The following TMEM131L variants were observed in gnomAD, a reference collection of about 807,000 sequenced individuals.
The protein encoded by TMEM131L is transmembrane protein 131-like.
Under a neutral mutation model 192.2 loss-of-function variants are expected in TMEM131L, and 54 were observed. The ratio of observed to expected loss-of-function variants is 0.28; its 90% CI spans 0.23 to 0.35. The LOEUF is 0.35. TMEM131L is among the 10% of genes least tolerant of loss of function. TMEM131L has a pLI of 1.00. For synonymous variants in TMEM131L, 701 were observed against 704.9 expected, an observed-to-expected ratio of 0.99 and a Z score of 0.09; for missense variants, 1,888 against 1,972.9, an observed-to-expected ratio of 0.96 and a Z score of 0.82.
intron 3 of TMEM131L, among the ~76,000 whole-genome samples, chr4:153,502,773 G>T (rs1299931032): frequency 6.6e-6 from 1 of 152,192 alleles, no homozygotes; most frequent in Non-Finnish European, 1.5e-5. Flanking sequence ...AGAGCATTTG[G>T]TGTTTATAAT....
At chr4:153,557,589 A>G (rs914536236) in intron 6 of TMEM131L, among the ~76,000 whole-genome samples, 6 of 152,210 alleles carry the variant, frequency 3.9e-5, no homozygotes, top group Non-Finnish European at 8.8e-5. Flanking sequence ...CTATTCTCAG[A>G]AATAGGAATC....
intron 3 of TMEM131L, among the ~76,000 whole-genome samples, chr4:153,499,905 G>A (rs1167072461): frequency 6.6e-6 from 1 of 152,142 alleles, no homozygotes; most frequent in Non-Finnish European, 1.5e-5. Flanking sequence ...CAGTCTCACA[G>A]ACTTGAGACA....
At chr4:153,558,536 T>C (rs1487821857) in intron 7 of TMEM131L, 168 bp downstream of exon 7, 1 of 439,988 alleles carries the variant, frequency 2.3e-6, no homozygotes, top group African/African-American at 1.9e-5. Flanking sequence ...GGCTGTGGAG[T>C]TCACAGTGTT....
intron 7 of TMEM131L, among the ~76,000 whole-genome samples, chr4:153,571,691 C>G (rs1241289308): frequency 6.6e-6 from 1 of 152,176 alleles, no homozygotes; most frequent in African/African-American, 2.4e-5. Context: ...TCCTGAGTAG[C>G]TGGGACTACA....
Position 153,550,093 on chromosome 4 carries a change from G to A in TMEM131L, c.260G>A (p.Ser87Asn). The change falls in exon 4 of 35, where the codon AGT (serine) becomes AAT (asparagine). Residue 87 changes from serine (S) to asparagine (N), a missense_variant. Transcript: ENST00000409959. Reference sequence around the variant, plus strand: ...TTTAGCTTCTCGGACAAACTATTTAGTGGAAAAGGCTTACATTTTCAGCCA... The same window carrying A: ...TTTAGCTTCTCGGACAAACTATTTAATGGAAAAGGCTTACATTTTCAGCCA... ...QEQSFSDKLF[S>N]GKGLHFQPSV... The A allele has an allele frequency of 6.7e-7, 1 of 1,491,780 alleles. No individual in the cohort carries two copies. The highest frequency in any genetic ancestry group is 9.0e-7 in the Non-Finnish European group (1 of 1,111,540). The allele number at this position is 1,491,780 out of a possible 1,614,324, so 92.4% of individuals were successfully genotyped here.
At position 153,627,722 on chromosome 4, in the gene TMEM131L, A is replaced by G. The variant is rs754383067; in HGVS notation, c.4207+35A>G. The G allele has an allele frequency of 3.2e-6, 5 of 1,546,256 alleles. No individual in the cohort carries two copies. In the South Asian group the frequency reaches 5.6e-5, roughly 17 times the overall value. The stretch of plus-strand genomic sequence containing the variant: ...ATTCGTCTTGCTGCAGACATCAGCC[A>G]AGGGTTCTGTGCTGTCTGTATTCCT... On this transcript the variant is annotated intron_variant, in intron 31 of 34. Transcript: ENST00000409959.
At chr4:153,540,780 G>A (rs6833522) in intron 3 of TMEM131L, among the ~76,000 whole-genome samples, 55,136 of 152,050 alleles carry the variant, frequency 0.36, 12,288 homozygotes, top group African/African-American at 0.63. Flanking sequence ...GAGAACTCAC[G>A]GTTGGTTTTC....
chr4:153,493,338 T>C, intron 3 of TMEM131L, among the ~76,000 whole-genome samples: 2 of 93,424 alleles, frequency 2.1e-5, no homozygotes, highest in Admixed American at 2.6e-4. Context: ...AGAGTGAGAC[T>C]CTGTCTCAAA....
chr4:153,593,737 T>A, intron 18 of TMEM131L, 62 bp from the exon 19 acceptor site: 1 of 1,082,504 alleles, frequency 9.2e-7, no homozygotes. Flanking sequence ...CACACACTTA[T>A]TAAATCTTTC....
chr4:153,482,329 T>C lies in TMEM131L; in HGVS notation c.239+8441T>C. 1.3e-5 allele frequency among the ~76,000 whole-genome samples: 2 copies of C among 151,962 alleles called. 1 individual carries two copies. ...GCCATAACAATGTAAAGTAATTTTT[T>C]TGACTGTTGTAGAGCTCATAATTTA... On this transcript the variant is annotated intron_variant, in intron 3 of 34. Transcript: ENST00000409959.
intron 16 of TMEM131L, among the ~76,000 whole-genome samples, chr4:153,590,303 T>C (rs1730980802): frequency 6.6e-6 from 1 of 152,220 alleles, no homozygotes; most frequent in Non-Finnish European, 1.5e-5. Flanking sequence ...CTCAAGTTCA[T>C]GTTCTGGTTA....
At chr4:153,590,648 A>AT (rs1478408954) in intron 16 of TMEM131L, among the ~76,000 whole-genome samples, 5 of 152,124 alleles carry the variant, frequency 3.3e-5, no homozygotes, top group African/African-American at 1.2e-4. Flanking sequence ...TATTTTGTTC[A>AT]TTCTACATTT....
intron 3 of TMEM131L, among the ~76,000 whole-genome samples, chr4:153,477,372 A>C (rs938618232): frequency 6.6e-6 from 1 of 152,212 alleles, no homozygotes; most frequent in African/African-American, 2.4e-5. Flanking sequence ...TGTGCAGCCC[A>C]TAGAGAGCTG....
intron 3 of TMEM131L, among the ~76,000 whole-genome samples, chr4:153,543,836 G>A (rs539037247): frequency 6.6e-6 from 1 of 152,204 alleles, no homozygotes; most frequent in Non-Finnish European, 1.5e-5. Flanking sequence ...GTCTCTTCCA[G>A]CATTTCCAGC....
chr4:153,468,570 T>A (rs1206893944), intron 2 of TMEM131L, among the ~76,000 whole-genome samples: 3 of 152,212 alleles, frequency 2.0e-5, no homozygotes, highest in East Asian at 1.9e-4. Flanking sequence ...GTATTTATTT[T>A]AAAAAAATTA....
chr4:153,622,725 A>G (rs1414735754), intron 28 of TMEM131L, among the ~76,000 whole-genome samples, 173 bp from the exon 29 acceptor site: 1 of 152,136 alleles, frequency 6.6e-6, no homozygotes, highest in Non-Finnish European at 1.5e-5. Flanking sequence ...ATCCCCTATT[A>G]TTTCTCAAAG....
chr4:153,629,774 G>A (rs180883035), intron 31 of TMEM131L, among the ~76,000 whole-genome samples: 3 of 152,264 alleles, frequency 2.0e-5, no homozygotes, highest in Admixed American at 6.5e-5. Flanking sequence ...ATTCTGGCTG[G>A]TAGACCTTAG....
At chr4:153,497,401 C>T (rs573077834) in intron 3 of TMEM131L, among the ~76,000 whole-genome samples, 30 of 152,182 alleles carry the variant, frequency 2.0e-4, no homozygotes, top group South Asian at 1.5e-3. Flanking sequence ...AGTTAGGCCT[C>T]ATGCTGCTTG....
At chr4:153,484,516 T>C (rs1020427990) in intron 3 of TMEM131L, among the ~76,000 whole-genome samples, 4 of 151,372 alleles carry the variant, frequency 2.6e-5, no homozygotes, top group African/African-American at 4.8e-5. Context: ...CCACCCAGGC[T>C]GGAGTGCAGT....
Sources: gnomAD v4.1 joint callset for allele counts (sites outside exome capture counted in the v4.1 genomes callset) on GRCh38, gnomAD v4.1.1 for gene constraint, MANE v1.5 for transcripts, NCBI Gene and HGNC (gene_info 2026-07-23, HGNC 2026-07-21) for gene names.